CASP10: variants seen among roughly 807,000 people sequenced by gnomAD.
The protein encoded by CASP10 is caspase 10, also known as caspase-10.
In CASP10, 41 loss-of-function variants were observed where a neutral mutation model predicts 48.5. The ratio of observed to expected loss-of-function variants is 0.85; its 90% CI spans 0.66 to 1.10. CASP10 has a LOEUF of 1.10. Among genes scored for constraint, CASP10 ranks in the 50% least tolerant of loss-of-function variants. The probability of loss-of-function intolerance (pLI) is 0.00; values close to 1 mark genes in which losing one functional copy is unlikely to be tolerated. For missense variants in CASP10, 614 were observed against 614.5 expected (o/e 1.00, Z 0.01); for synonymous variants, 232 against 238.4 (o/e 0.97, Z 0.25).
At position 201,204,117 on chromosome 2, in the gene CASP10, G is replaced by A. The variant is rs191436061; in HGVS notation, c.721+351G>A. 4.6e-5 allele frequency among the ~76,000 whole-genome samples: 7 copies of A among 152,328 alleles called. No homozygotes were observed. In the East Asian group the frequency reaches 1.4e-3, roughly 29 times the overall value. On this transcript the variant is annotated intron_variant, in intron 6 of 9. Coordinates refer to ENST00000286186, the MANE Select transcript of CASP10 (RefSeq NM_032977.4). ...TTCAGGCCAGTAGTGACAGCAGAAT[G>A]TGCAGTCTGGGTGCGTGTCCTCTAT...
downstream of CASP10, among the ~76,000 whole-genome samples, chr2:201,225,903 T>A (rs1448739547): frequency 6.6e-6 from 1 of 152,018 alleles, no homozygotes; most frequent in African/African-American, 2.4e-5. Context: ...CAGGTGGAGG[T>A]TGCAGTGAGC....
chr2:201,186,111 G>T lies in CASP10; in HGVS notation c.334G>T (p.Val112Phe). 3 of 1,611,764 alleles carry T rather than the reference G, an allele frequency of 1.9e-6. No homozygotes were observed. Among genetic ancestry groups the T allele is most frequent in the Non-Finnish European group, 2.5e-6 (3 of 1,179,802 alleles). Residue 112 changes from valine to phenylalanine, a missense_variant, in exon 2 of 10, where the codon GTT (valine) becomes TTT (phenylalanine). Transcript: ENST00000286186. ...VERLLPTRQR[V>F]SLFRNLLYEL... ...GCGACTGCTGCCCACCCGACAAAGG[G>T]TTTCTCTGTTTAGGTGAGGACGGGT...
At position 201,217,711 on chromosome 2, in the gene CASP10, C is replaced by G. The variant is rs774351693; in HGVS notation, c.1539C>G (p.Phe513Leu). The G allele has an allele frequency of 6.2e-7, 1 of 1,613,978 alleles. No homozygotes were observed. The highest frequency in any genetic ancestry group is 1.1e-5 in the South Asian group (1 of 91,076). ...TCACACTAAGGAAAAAACTAGTATT[C>G]CCTGTGCCCCTGGATGCACTTTCAT... ...PAFTLRKKLV[F>L]PVPLDALSL The change falls in exon 10 of 10, where the codon TTC becomes TTG. Residue 513 changes from phenylalanine to leucine, a missense_variant. By Grantham distance (22) the Phe-to-Leu change is conservative. Coordinates refer to ENST00000286186, the MANE Select transcript of CASP10 (RefSeq NM_032977.4).
intron 9 of CASP10, chr2:201,212,976 T>A (rs1268663650): frequency 6.6e-6 from 1 of 152,238 alleles, no homozygotes; most frequent in African/African-American, 2.4e-5. Context: ...GCGACAGCTA[T>A]TTTTACATAG....
chr2:201,214,304 A>G (rs917748694), intron 9 of CASP10: 1 of 152,198 alleles, frequency 6.6e-6, no homozygotes, highest in Non-Finnish European at 1.5e-5. Context: ...CAAAGAGAAT[A>G]TAAAATATAA....
intron 5 of CASP10, chr2:201,200,748 T>C: frequency 8.2e-7 from 1 of 1,213,478 alleles, no homozygotes. Flanking sequence ...GCTGTGAGTT[T>C]ATTCATTTGA....
chr2:201,198,043 C>T (rs1370520571), intron 5 of CASP10, among the ~76,000 whole-genome samples: 2 of 152,118 alleles, frequency 1.3e-5, no homozygotes, highest in Admixed American at 6.6e-5. Flanking sequence ...TGATAGTAGG[C>T]ATCCTAATGG....
chr2:201,217,916 A>G lies in CASP10; in HGVS notation c.*175A>G. On this transcript the variant is annotated 3_prime_UTR_variant, in exon 10 of 10. Coordinates refer to ENST00000286186, the MANE Select transcript of CASP10 (RefSeq NM_032977.4). ...TTTCTTTTGCAAGTCTAAATGTTAG[A>G]AAACTTTCTTTTTTTTGGAGATAGT... The G allele has an allele frequency of 5.4e-6, 8 of 1,488,068 alleles. No homozygotes were observed. The South Asian group carries it at 1.0e-4, about 19-fold the overall frequency. The allele number at this position is 1,488,068 out of a possible 1,614,324, so 92.2% of individuals were successfully genotyped here.
At position 201,186,006 on chromosome 2, in the gene CASP10, TTCTTCC is replaced by T; in HGVS notation, c.231_236del (p.Phe77_Phe78del). The T allele has an allele frequency of 1.2e-6, 2 of 1,613,118 alleles. No individual in the cohort carries two copies. The highest frequency in any genetic ancestry group is 1.7e-6 in the Non-Finnish European group (2 of 1,179,502). On this transcript the variant is annotated inframe_deletion, in exon 2 of 10. Transcript: ENST00000286186. Reference sequence around the variant, plus strand: ...GGATCTGCTGAGTGAGGAAGACCCTTTCTTCCTGGCAGAACTCCTCTATATCATACG... The same window carrying T: ...GGATCTGCTGAGTGAGGAAGACCCTTTGGCAGAACTCCTCTATATCATACG...
Position 201,185,901 on chromosome 2 carries a change from C to G in CASP10, c.124C>G (p.Leu42Val), listed in dbSNP as rs1944398571. ...GVQDVENLKF[L>V]CIGLVPNKKL... ...CCAAGATGTGGAGAACCTCAAGTTT[C>G]TCTGCATAGGATTGGTCCCCAACAA... Residue 42 changes from leucine (L) to valine (V), a missense_variant, in exon 2 of 10, where the codon CTC (leucine) becomes GTC (valine). Leu to Val is a conservative substitution (Grantham distance 32). Transcript: ENST00000286186. The G allele has an allele frequency of 6.2e-7, 1 of 1,614,146 alleles. No individual in the cohort carries two copies. Among genetic ancestry groups the G allele is most frequent in the South Asian group, 1.1e-5 (1 of 91,088 alleles).
At chr2:201,188,165 T>A (rs780993946) in intron 3 of CASP10, among the ~76,000 whole-genome samples, 3 of 152,144 alleles carry the variant, frequency 2.0e-5, no homozygotes, top group Non-Finnish European at 2.9e-5. Context: ...TGTTGGAATC[T>A]GTTGTGTTTT....
At position 201,218,138 on chromosome 2, in the gene CASP10, T is replaced by A; in HGVS notation, c.*397T>A. On this transcript the variant is annotated 3_prime_UTR_variant, in exon 10 of 10. Transcript: ENST00000286186. ...GATCTCACTTTGTTGCACAGGCTGG[T>A]TTCAAACTCCTAGGCCCAAGTGATC... 1 of 969,312 alleles carries A rather than the reference T, an allele frequency of 1.0e-6. No homozygotes were observed. The highest frequency in any genetic ancestry group is 2.5e-5 in the South Asian group (1 of 40,670). The allele number at this position is 969,312 out of a possible 1,614,324, so 60.0% of individuals were successfully genotyped here.
At chr2:201,225,549 G>T (rs1576157173), downstream of CASP10, among the ~76,000 whole-genome samples, 1 of 152,190 alleles carries the variant, frequency 6.6e-6, no homozygotes, top group Admixed American at 6.5e-5. Context: ...CAACCTAAAA[G>T]GTTAGAGATA....
intron 9 of CASP10, among the ~76,000 whole-genome samples, chr2:201,216,033 C>G (rs1275899547): frequency 6.6e-6 from 1 of 151,928 alleles, no homozygotes; most frequent in Non-Finnish European, 1.5e-5. Context: ...TTCTTCTAAC[C>G]CATGAACACG....
At chr2:201,189,638 A>G (rs1344246188) in intron 3 of CASP10, among the ~76,000 whole-genome samples, 1 of 152,060 alleles carries the variant, frequency 6.6e-6, no homozygotes, top group Non-Finnish European at 1.5e-5. Context: ...ATATATATAA[A>G]TTTAAACTCA....
chr2:201,205,958 T>G lies in CASP10; in HGVS notation c.798T>G (p.Ser266=). The G allele has an allele frequency of 6.2e-7, 1 of 1,611,090 alleles. No homozygotes were observed. Among genetic ancestry groups the G allele is most frequent in the Non-Finnish European group, 8.5e-7 (1 of 1,177,314 alleles). The change falls in exon 7 of 10, where the codon TCT becomes TCG. Residue 266 remains serine (S), a synonymous_variant. Coordinates refer to ENST00000286186, the MANE Select transcript of CASP10 (RefSeq NM_032977.4). ...MQGASANTLN[S]ETSTKRAAVY... ...GAGCATCTGCTAACACTCTAAACTC[T>G]GAAACCAGCACAAAGGTCTGGATGG...
chr2:201,196,063 T>A, intron 5 of CASP10, 115 bp downstream of exon 5: 1 of 720,942 alleles, frequency 1.4e-6, no homozygotes, highest in Non-Finnish European at 2.5e-6. Flanking sequence ...TACCATTTAT[T>A]GTAAATGGTC....
At chr2:201,202,928 C>T (rs1172796289) in intron 5 of CASP10, among the ~76,000 whole-genome samples, 1 of 152,098 alleles carries the variant, frequency 6.6e-6, no homozygotes, top group East Asian at 1.9e-4. Flanking sequence ...CTCCCCACCT[C>T]GATTGCCATT....
chr2:201,194,778 T>A (rs569060756), intron 4 of CASP10, among the ~76,000 whole-genome samples: 1 of 152,298 alleles, frequency 6.6e-6, no homozygotes, highest in East Asian at 1.9e-4. Flanking sequence ...GAGCTTTGTT[T>A]TTTTTATTTT....
Sources: allele counts gnomAD v4.1 joint callset (sites outside exome capture counted in the v4.1 genomes callset), GRCh38; gene constraint gnomAD v4.1.1; transcripts MANE v1.5; gene names NCBI Gene and HGNC (gene_info 2026-07-23, HGNC 2026-07-21).